Variants in PLXNB1 observed in about 807,000 individuals in gnomAD.
PLXNB1 encodes plexin B1, also known as plexin-B1.
Under a neutral mutation model 209.4 loss-of-function variants are expected in PLXNB1, and 106 were observed. The ratio of observed to expected loss-of-function variants is 0.51; its 90% confidence interval spans 0.43 to 0.59. The LOEUF is 0.59. PLXNB1 is among the 20% of genes least tolerant of loss of function. The pLI, the probability that PLXNB1 is intolerant of heterozygous loss-of-function variation, is 0.00. For missense variants in PLXNB1, 2,357 were observed against 2,853.2 expected (o/e 0.83, Z 3.96); for synonymous variants, 1,167 against 1,183.2 (o/e 0.99, Z 0.28).
intron 34 of PLXNB1, 34 bp from the exon 35 acceptor site, chr3:48,407,125 GA>G (rs777270338): frequency 6.0e-5 from 95 of 1,595,222 alleles, no homozygotes; most frequent in Non-Finnish European, 7.8e-5. Context: ...AAAGAGGAAG[GA>G]AGGAAGGATG....
Position 48,418,917 on chromosome 3 carries a change from C to G in PLXNB1, c.2955G>C (p.Gln985His). ...CCACCCAGGCGCTCATGGTGTGCAC[C>G]TGGTGCTGCTGGCAGGTGACATGGC... ...TQCHVTCQQH[Q>H]LSYEALQPEL... The change falls in exon 13 of 38, where the codon CAG becomes CAC. Residue 985 changes from glutamine (Q) to histidine (H), a missense_variant and splice_region_variant. Physicochemically the swap from Gln to His is conservative, Grantham distance 24. Transcript: ENST00000296440. This position sits in a 1 kb window ranked among gnomAD's most constrained non-coding sequence, Gnocchi z 6.6. 1 of 1,613,932 alleles carries G rather than the reference C, an allele frequency of 6.2e-7. No individual in the cohort carries two copies. The highest frequency in any genetic ancestry group is 8.5e-7 in the Non-Finnish European group (1 of 1,179,986).
Position 48,418,304 on chromosome 3 carries a change from G to T in PLXNB1, c.3109C>A (p.Pro1037Thr). The change falls in exon 15 of 38, where the codon CCC becomes ACC. Residue 1037 changes from proline to threonine, a missense_variant. This residue lies in a region of PLXNB1 where 743 missense variants were observed against 896.2 expected (regional missense o/e 0.83). Coordinates refer to ENST00000296440, the MANE Select transcript of PLXNB1 (RefSeq NM_001130082.3). This position sits in a 1 kb window ranked among gnomAD's most constrained non-coding sequence, Gnocchi z 6.6. ...GDCSRCQTAM[P>T]QYGCVWCEGE... ...TCACACCACACACAGCCATACTGGGGCATGGCAGTTTGGCAGCGGCTGCAG... is the reference window on the plus strand; with the variant it reads ...TCACACCACACACAGCCATACTGGGTCATGGCAGTTTGGCAGCGGCTGCAG... 6.2e-7 allele frequency: 1 copy of T among 1,613,796 alleles called. No individual in the cohort carries two copies. The highest frequency in any genetic ancestry group is 8.5e-7 in the Non-Finnish European group (1 of 1,180,046).
intron 6 of PLXNB1, 44 bp from the exon 7 acceptor site, chr3:48,421,850 C>T: frequency 6.3e-7 from 1 of 1,575,946 alleles, no homozygotes; most frequent in Non-Finnish European, 8.7e-7. Context: ...TCATGGGCCA[C>T]TGGGAGTTCA....
In PLXNB1 at chr3:48,416,617, A is replaced by T. The variant is rs1394862221; in HGVS notation, c.3375-166T>A. ...CTTTGGAGGGAATTCTTTATGACAC[A>T]TCAGAAGGCCTTGGTATCTGAGAAT... On this transcript the variant is annotated intron_variant, in intron 16 of 37. Transcript: ENST00000296440. The surrounding 1 kb of genome is among the most constrained non-coding windows in gnomAD (Gnocchi z 4.1). 4.3e-6 allele frequency: 2 copies of T among 466,204 alleles called. No individual in the cohort carries two copies. Among genetic ancestry groups the T allele is most frequent in the Non-Finnish European group, 7.5e-6 (2 of 266,024 alleles). The allele number at this position is 466,204 out of a possible 1,614,324, so 28.9% of individuals were successfully genotyped here. A position where few individuals can be genotyped will look rare whatever the true frequency, so the allele number is the denominator to read the frequency against.
At chr3:48,412,696 AAGGGGCAGGGCCAGGGGC>A in intron 25 of PLXNB1, 28 bp downstream of exon 25, 1 of 1,602,618 alleles carries the variant, frequency 6.2e-7, no homozygotes, top group African/African-American at 1.3e-5. Context: ...TGCCCTGGAG[AAGGGGCAGGGCCAGGGGC>A]AGGCCAGGAA....
In PLXNB1 at chr3:48,406,652, C is replaced by T; in HGVS notation, c.6228+171G>A. ...GCTCTGTGATGAGATGGTGGGAGCC[C>T]TGGTCTTTCAGTGGCAGTTGGAACA... is the stretch of plus-strand genomic sequence containing the variant. On this transcript the variant is annotated intron_variant, in intron 36 of 37. Coordinates refer to ENST00000296440, the MANE Select transcript of PLXNB1 (RefSeq NM_001130082.3). This position sits in a 1 kb window ranked among gnomAD's most constrained non-coding sequence, Gnocchi z 4.4. The T allele has an allele frequency of 7.0e-7, 1 of 1,424,258 alleles. No homozygotes were observed. Among genetic ancestry groups the T allele is most frequent in the Non-Finnish European group, 9.2e-7 (1 of 1,091,466 alleles). 88.2% of individuals were successfully genotyped at this position (1,424,258 alleles called of 1,614,324 possible). A position where few individuals can be genotyped will look rare whatever the true frequency, so the allele number is the denominator to read the frequency against.
At chr3:48,407,766 T>C (rs2037401990) in intron 34 of PLXNB1, among the ~76,000 whole-genome samples, 1 of 152,210 alleles carries the variant, frequency 6.6e-6, no homozygotes, top group East Asian at 1.9e-4. Flanking sequence ...GGGGGAACCC[T>C]TGGCATTCTT....
chr3:48,418,655 G>A lies in PLXNB1; in HGVS notation c.2956-113C>T, dbSNP rs2038270712. On this transcript the variant is annotated intron_variant, in intron 13 of 37. Transcript: ENST00000296440. This position sits in a 1 kb window ranked among gnomAD's most constrained non-coding sequence, Gnocchi z 6.6. ...CCAGTTAGGAGCATAGGGTCAGAGG[G>A]ACCCCATGGGGCCACAAGTTGGAGG... 8.0e-6 allele frequency: 8 copies of A among 999,172 alleles called. No individual in the cohort carries two copies. Among genetic ancestry groups the A allele is most frequent in the Non-Finnish European group, 1.2e-5 (8 of 660,748 alleles). The allele number at this position is 999,172 out of a possible 1,614,324, so 61.9% of individuals were successfully genotyped here. A position where few individuals can be genotyped will look rare whatever the true frequency, so the allele number is the denominator to read the frequency against.
chr3:48,409,702 CA>C lies in PLXNB1; in HGVS notation c.5807del (p.Leu1936ArgfsTer4). 6.2e-7 allele frequency: 1 copy of C among 1,613,850 alleles called. No homozygotes were observed. The highest frequency in any genetic ancestry group is 8.5e-7 in the Non-Finnish European group (1 of 1,180,012). On this transcript the variant is annotated frameshift_variant, in exon 33 of 38. Coordinates refer to ENST00000296440, the MANE Select transcript of PLXNB1 (RefSeq NM_001130082.3). LOFTEE classifies it high-confidence loss of function. The surrounding 1 kb of genome is among the most constrained non-coding windows in gnomAD (Gnocchi z 5.8). Reference protein sequence around the residue: ...KGTLQKFVDDLFQVILSTSRP... With the variant: ...KGTLQKFVDDXFQVILSTSRP... ...GGCTGGTGCTGAGAATCACCTGGAACAGGTCATCCACGAACTTCTGCAGGGT... is the reference window on the plus strand; with the variant it reads ...GGCTGGTGCTGAGAATCACCTGGAACGGTCATCCACGAACTTCTGCAGGGT...
Position 48,409,342 on chromosome 3 carries a change from TGGTCGGCCAG to T in PLXNB1, c.6064_6073del (p.Leu2022ThrfsTer43). ...AGACTCGCTCACCCGGCCCAGCTTG[TGGTCGGCCAG>T]GGTGCAGGCGTCCATGAAGGTCTGT... On this transcript the variant is annotated frameshift_variant, in exon 34 of 38. Transcript: ENST00000296440. LOFTEE classifies it high-confidence loss of function. The surrounding 1 kb of genome is among the most constrained non-coding windows in gnomAD (Gnocchi z 5.8). 1 of 1,614,100 alleles carries T rather than the reference TGGTCGGCCAG, an allele frequency of 6.2e-7. No homozygotes were observed. Among genetic ancestry groups the T allele is most frequent in the Non-Finnish European group, 8.5e-7 (1 of 1,180,024 alleles).
upstream of PLXNB1, among the ~76,000 whole-genome samples, chr3:48,430,268 G>C (rs1025665683): frequency 6.6e-6 from 1 of 152,200 alleles, no homozygotes; most frequent in African/African-American, 2.4e-5. Context: ...TGAAGGCAGG[G>C]AACCTGGGCT....
rs904158439 is a variant in PLXNB1, at chr3:48,418,820, G to A, written c.2955+97C>T. ...TCCCTCAGGGCGACACGGTCAGAGC[G>A]TGGCTCTGGAAAGTGTGGTGCAGCC... On this transcript the variant is annotated intron_variant, in intron 13 of 37. Transcript: ENST00000296440. The surrounding 1 kb of genome is among the most constrained non-coding windows in gnomAD (Gnocchi z 6.6). 6.0e-5 allele frequency: 87 copies of A among 1,456,986 alleles called. No homozygotes were observed. Among genetic ancestry groups the A allele is most frequent in the Non-Finnish European group, 5.3e-5 (56 of 1,050,718 alleles). The allele number at this position is 1,456,986 out of a possible 1,614,324, so 90.3% of individuals were successfully genotyped here.
rs754117058 is a variant in PLXNB1, at chr3:48,415,196, G to A, written c.3946C>T (p.Pro1316Ser). The A allele has an allele frequency of 2.5e-6, 4 of 1,613,350 alleles. No individual in the cohort carries two copies. The highest frequency in any genetic ancestry group is 1.1e-5 in the South Asian group (1 of 91,084). The change falls in exon 20 of 38, where the codon CCC becomes TCC. Residue 1316 changes from proline (P) to serine (S), a missense_variant. Physicochemically the swap from Pro to Ser is moderately conservative, Grantham distance 74. Transcript: ENST00000296440. The surrounding 1 kb of genome is among the most constrained non-coding windows in gnomAD (Gnocchi z 5.0). ...VVPETACSLG[P>S]SCSSQQFEEP... ...CCTACTTGCTGGCTACTGCAGGAGG[G>A]TCCAAGGGAACATGCCGTCTCCGGG...
rs2038116387 is a variant in PLXNB1, at chr3:48,416,562, C to T, written c.3375-111G>A. On this transcript the variant is annotated intron_variant, in intron 16 of 37. Transcript: ENST00000296440. This position sits in a 1 kb window ranked among gnomAD's most constrained non-coding sequence, Gnocchi z 4.1. ...GTCAGGTGGTCTTCCCCTTCCCATGCTCCATAAGATTGACAGAGACCCTCT... is the reference window on the plus strand; with the variant it reads ...GTCAGGTGGTCTTCCCCTTCCCATGTTCCATAAGATTGACAGAGACCCTCT... 4.6e-6 allele frequency: 3 copies of T among 647,242 alleles called. No homozygotes were observed. Among genetic ancestry groups the T allele is most frequent in the Admixed American group, 5.9e-5 (2 of 33,852 alleles). 40.1% of individuals were successfully genotyped at this position (647,242 alleles called of 1,614,324 possible). A position where few individuals can be genotyped will look rare whatever the true frequency, so the allele number is the denominator to read the frequency against.
At chr3:48,427,242 T>C (rs2038941307) in intron 1 of PLXNB1, among the ~76,000 whole-genome samples, 1 of 150,890 alleles carries the variant, frequency 6.6e-6, no homozygotes, top group African/African-American at 2.4e-5. Context: ...ATGGGCGGGA[T>C]CAGAACAGCT....
chr3:48,409,205 CT>C lies in PLXNB1; in HGVS notation c.6087+123del. On this transcript the variant is annotated intron_variant, in intron 34 of 37. Coordinates refer to ENST00000296440, the MANE Select transcript of PLXNB1 (RefSeq NM_001130082.3). This position sits in a 1 kb window ranked among gnomAD's most constrained non-coding sequence, Gnocchi z 5.8. ...AGGTGGCCCCGGGATGAAGCCTTGG[CT>C]TGGGAGGTCAGAGGTCTCCCCTAAG... is the stretch of plus-strand genomic sequence containing the variant. The C allele has an allele frequency of 8.8e-7, 1 of 1,141,976 alleles. No individual in the cohort carries two copies. The allele number at this position is 1,141,976 out of a possible 1,614,324, so 70.7% of individuals were successfully genotyped here. A position where few individuals can be genotyped will look rare whatever the true frequency, so the allele number is the denominator to read the frequency against.
intron 34 of PLXNB1, among the ~76,000 whole-genome samples, chr3:48,407,501 G>C (rs554134290): frequency 6.6e-6 from 1 of 152,204 alleles, no homozygotes; most frequent in Non-Finnish European, 1.5e-5. Flanking sequence ...GGCTGAGCTA[G>C]GATTTGAAGC....
Position 48,421,685 on chromosome 3 carries a change from C to T in PLXNB1, c.1642G>A (p.Glu548Lys). 1 of 1,605,016 alleles carries T rather than the reference C, an allele frequency of 6.2e-7. No homozygotes were observed. Among genetic ancestry groups the T allele is most frequent in the African/African-American group, 1.3e-5 (1 of 74,878 alleles). ...ATCTGATCATTCACCTCCCTCGTCTCCTCTCGGCTGATGTTGGCAGGACTC... is the reference window on the plus strand; with the variant it reads ...ATCTGATCATTCACCTCCCTCGTCTTCTCTCGGCTGATGTTGGCAGGACTC... ...AMSPANISREETREVFLSVPD... is the reference protein window; with the variant it reads ...AMSPANISREKTREVFLSVPD... The change falls in exon 7 of 38, where the codon GAG becomes AAG. Residue 548 changes from glutamate to lysine, a missense_variant. Glu to Lys is a moderately conservative substitution (Grantham distance 56). Around this residue, in one of 7 missense-constraint regions of PLXNB1, gnomAD observed 214 missense variants for 297.1 expected, o/e 0.72. Transcript: ENST00000296440.
At position 48,416,401 on chromosome 3, in the gene PLXNB1, G is replaced by A. The variant is rs375363817; in HGVS notation, c.3425C>T (p.Ala1142Val). The A allele has an allele frequency of 1.3e-4, 204 of 1,613,030 alleles. No homozygotes were observed. Among genetic ancestry groups the A allele is most frequent in the Non-Finnish European group, 1.6e-4 (186 of 1,179,886 alleles). Reference sequence around the variant, plus strand: ...ACGTCCTCTTCCCGGCACCTCCACCGCTGTGGCGCCGGCCACCTCCTCCCC... The same window carrying A: ...ACGTCCTCTTCCCGGCACCTCCACCACTGTGGCGCCGGCCACCTCCTCCCC... ...ASGEEVAGATAVEVPGRGRGV... is the reference protein window; with the variant it reads ...ASGEEVAGATVVEVPGRGRGV... The change falls in exon 17 of 38, where the codon GCG becomes GTG. Residue 1142 changes from alanine (A) to valine (V), a missense_variant. Coordinates refer to ENST00000296440, the MANE Select transcript of PLXNB1 (RefSeq NM_001130082.3). This position sits in a 1 kb window ranked among gnomAD's most constrained non-coding sequence, Gnocchi z 4.1.
Sources: allele counts gnomAD v4.1 joint callset (sites outside exome capture counted in the v4.1 genomes callset), GRCh38; gene constraint gnomAD v4.1.1; regional missense constraint gnomAD v4.1.1; non-coding constraint Gnocchi (gnomAD v3.1); transcripts MANE v1.5; gene names NCBI Gene and HGNC (gene_info 2026-07-23, HGNC 2026-07-21).